C1orf21: variants seen among roughly 807,000 people sequenced by gnomAD.
The protein encoded by C1orf21 is uncharacterized protein C1orf21.
C1orf21 carries 3 observed loss-of-function variants against 18.7 expected under a neutral mutation model. The observed-to-expected ratio is 0.16, with a 90% CI of 0.07 to 0.42. The LOEUF is 0.42. Ranked by LOEUF, C1orf21 falls within the 10% of genes least tolerant of loss-of-function variation. C1orf21 has a pLI of 0.99. For synonymous variants in C1orf21, 41 were observed against 46.4 expected (o/e 0.88, Z 0.47); for missense variants, 104 against 143.6 (o/e 0.72, Z 1.41).
intron 2 of C1orf21, among the ~76,000 whole-genome samples, chr1:184,507,368 C>T (rs1658078309): frequency 6.6e-6 from 1 of 152,112 alleles, no homozygotes; most frequent in South Asian, 2.1e-4. Context: ...TGATTAGAAG[C>T]ATTCGTGATG....
intron 2 of C1orf21, among the ~76,000 whole-genome samples, chr1:184,501,968 G>C (rs1315733894): frequency 6.6e-6 from 1 of 152,142 alleles, no homozygotes; most frequent in Non-Finnish European, 1.5e-5. Context: ...CATAGGAAAA[G>C]TATCCAGTGT....
chr1:184,597,456 AT>A, intron 4 of C1orf21, among the ~76,000 whole-genome samples: 1 of 152,092 alleles, frequency 6.6e-6, no homozygotes, highest in Non-Finnish European at 1.5e-5. Flanking sequence ...TAAAGGGTAC[AT>A]TTCACCACAC....
chr1:184,503,754 C>T (rs1658011278), intron 2 of C1orf21, among the ~76,000 whole-genome samples: 1 of 152,176 alleles, frequency 6.6e-6, no homozygotes, highest in Admixed American at 6.5e-5. Context: ...GGTCAGACCC[C>T]ATTCCTTCCA....
chr1:184,558,079 G>C (rs1328110158), intron 3 of C1orf21, among the ~76,000 whole-genome samples: 1 of 152,154 alleles, frequency 6.6e-6, no homozygotes, highest in African/African-American at 2.4e-5. Flanking sequence ...TTTCAACATG[G>C]TAAGAGCAAA....
At chr1:184,451,942 G>T (rs556190725) in intron 1 of C1orf21, among the ~76,000 whole-genome samples, 43 of 152,010 alleles carry the variant, frequency 2.8e-4, no homozygotes, top group African/African-American at 9.9e-4. Flanking sequence ...ATAAATGTTA[G>T]TGTTAGTTTG....
At chr1:184,399,870 T>C (rs1351347483) in intron 1 of C1orf21, among the ~76,000 whole-genome samples, 4 of 152,222 alleles carry the variant, frequency 2.6e-5, no homozygotes, top group African/African-American at 4.8e-5. Context: ...AATTTTTCTC[T>C]CAAGAAACCT....
intron 1 of C1orf21, among the ~76,000 whole-genome samples, chr1:184,459,456 C>CT (rs1657269589): frequency 6.6e-6 from 1 of 152,196 alleles, no homozygotes; most frequent in African/African-American, 2.4e-5. Context: ...AGCTCTCATT[C>CT]TTTATTTCCC....
intron 1 of C1orf21, among the ~76,000 whole-genome samples, chr1:184,416,041 G>A (rs1289564258): frequency 6.6e-6 from 1 of 152,078 alleles, no homozygotes. Flanking sequence ...TAGGCAAAAA[G>A]GATTGCCAGA....
chr1:184,583,395 C>T (rs1659309657), intron 3 of C1orf21, among the ~76,000 whole-genome samples: 1 of 152,136 alleles, frequency 6.6e-6, no homozygotes, highest in African/African-American at 2.4e-5. Flanking sequence ...TCTGTCACTA[C>T]CTGACAGTAG....
At chr1:184,462,055 G>T (rs1356560026) in intron 1 of C1orf21, among the ~76,000 whole-genome samples, 1 of 152,180 alleles carries the variant, frequency 6.6e-6, no homozygotes, top group African/African-American at 2.4e-5. Context: ...GAGGACATGG[G>T]TCTTTCTTTT....
chr1:184,406,806 A>C (rs965721447), intron 1 of C1orf21, among the ~76,000 whole-genome samples: 2 of 151,702 alleles, frequency 1.3e-5, no homozygotes, highest in African/African-American at 4.8e-5. Context: ...TTTTCTTTTT[A>C]TTTTTTGAGA....
chr1:184,397,591 G>GAA (rs140571615), intron 1 of C1orf21, among the ~76,000 whole-genome samples: 19,161 of 148,466 alleles, frequency 0.13, 1,258 homozygotes, highest in East Asian at 0.17. Context: ...GTCTGAAAAA[G>GAA]AAAAAAAAAC....
chr1:184,463,082 CAAAA>C (rs397982231), intron 1 of C1orf21, among the ~76,000 whole-genome samples: 3 of 80,314 alleles, frequency 3.7e-5, no homozygotes, highest in Non-Finnish European at 7.6e-5. Context: ...GACTCCATCT[CAAAA>C]AAAAAAAAAA....
intron 3 of C1orf21, among the ~76,000 whole-genome samples, chr1:184,582,841 G>C (rs1200239276): frequency 6.6e-6 from 1 of 151,944 alleles, no homozygotes; most frequent in East Asian, 1.9e-4. Context: ...TTGTTTGTTT[G>C]TTTGTTTTGT....
At chr1:184,613,542 T>G (rs2102009905) in intron 5 of C1orf21, among the ~76,000 whole-genome samples, 1 of 152,316 alleles carries the variant, frequency 6.6e-6, no homozygotes, top group East Asian at 1.9e-4. Context: ...TTGTGTTGTT[T>G]AAAAAGGCTG....
chr1:184,626,699 C>G lies in C1orf21; in HGVS notation c.*7143C>G, dbSNP rs1466044375. 1 of 152,350 alleles carries G rather than the reference C, an allele frequency of 6.6e-6. No individual in the cohort carries two copies. Among genetic ancestry groups the G allele is most frequent in the African/African-American group, 2.4e-5 (1 of 41,418 alleles). The allele number at this position is 152,350 out of a possible 1,614,324, so 9.4% of individuals were successfully genotyped here. ...AGGGGTGCTTGCTGAGATGATTCAT[C>G]CCAGGGTGTCCTCTGTCCCTTACCC... On this transcript the variant is annotated 3_prime_UTR_variant, in exon 6 of 6. Coordinates refer to ENST00000235307, the MANE Select transcript of C1orf21 (RefSeq NM_030806.4).
intron 1 of C1orf21, among the ~76,000 whole-genome samples, chr1:184,459,180 T>A (rs1008803511): frequency 1.3e-5 from 2 of 152,112 alleles, no homozygotes; most frequent in Admixed American, 1.3e-4. Flanking sequence ...ACTAGAAGAA[T>A]AAAAGGAAAG....
At chr1:184,582,651 T>G (rs546936192) in intron 3 of C1orf21, among the ~76,000 whole-genome samples, 1 of 152,308 alleles carries the variant, frequency 6.6e-6, no homozygotes, top group Non-Finnish European at 1.5e-5. Context: ...AGAACCAATT[T>G]GCAAAGGGAA....
intron 1 of C1orf21, among the ~76,000 whole-genome samples, chr1:184,417,741 C>T (rs1481138523): frequency 2.0e-5 from 3 of 152,208 alleles, no homozygotes; most frequent in Non-Finnish European, 4.4e-5. Context: ...CTTCTTCTCC[C>T]GCTTTCTCTA....
Sources: gnomAD v4.1 joint callset for allele counts (sites outside exome capture counted in the v4.1 genomes callset) on GRCh38, gnomAD v4.1.1 for gene constraint, MANE v1.5 for transcripts, NCBI Gene and HGNC (gene_info 2026-07-23, HGNC 2026-07-21) for gene names.